The following GPC5 variants were observed in gnomAD, a reference collection of about 807,000 sequenced individuals.
GPC5 encodes glypican 5.
In GPC5, 47 loss-of-function variants were observed where a neutral mutation model predicts 53.9. The observed-to-expected ratio is 0.87, with a 90% CI of 0.69 to 1.11. GPC5 has a LOEUF of 1.11. GPC5 is among the 50% of genes most tolerant of loss of function. The pLI is 0.00. For synonymous variants in GPC5, 286 were observed against 263.3 expected, an observed-to-expected ratio of 1.09 and a Z score of -0.84; for missense variants, 748 against 713.1, an observed-to-expected ratio of 1.05 and a Z score of -0.56.
intron 2 of GPC5, among the ~76,000 whole-genome samples, chr13:91,529,399 G>A (rs578152601): frequency 6.6e-6 from 1 of 152,104 alleles, no homozygotes; most frequent in Non-Finnish European, 1.5e-5. Flanking sequence ...AATCATTAAA[G>A]ATACAAGCTT....
chr13:92,785,482 C>A (rs943410027), intron 7 of GPC5, among the ~76,000 whole-genome samples: 1 of 152,088 alleles, frequency 6.6e-6, no homozygotes, highest in African/African-American at 2.4e-5. Context: ...TGTGCAACCA[C>A]AAATATTTCT....
intron 6 of GPC5, among the ~76,000 whole-genome samples, chr13:92,093,719 C>T (rs1045073125): frequency 3.9e-5 from 6 of 152,106 alleles, no homozygotes; most frequent in Non-Finnish European, 8.8e-5. Context: ...TTTTAAGACC[C>T]AGTGTATGCC....
chr13:91,994,179 A>G (rs1258832512), intron 6 of GPC5, among the ~76,000 whole-genome samples: 1 of 152,242 alleles, frequency 6.6e-6, no homozygotes, highest in Non-Finnish European at 1.5e-5. Context: ...GAAGAGGAAA[A>G]CTGCAAGTGA....
chr13:92,640,141 C>T (rs1246217674), intron 7 of GPC5, among the ~76,000 whole-genome samples: 3 of 151,498 alleles, frequency 2.0e-5, no homozygotes, highest in Non-Finnish European at 4.4e-5. Flanking sequence ...TATATATATA[C>T]ACGTGTGTAT....
At chr13:91,894,498 C>T (rs2039420703) in intron 5 of GPC5, among the ~76,000 whole-genome samples, 1 of 152,184 alleles carries the variant, frequency 6.6e-6, no homozygotes, top group East Asian at 1.9e-4. Context: ...ATGTATCTGG[C>T]TGGAGTCCCA....
intron 6 of GPC5, among the ~76,000 whole-genome samples, chr13:92,064,995 C>T (rs1026771346): frequency 1.6e-4 from 24 of 151,468 alleles, no homozygotes; most frequent in African/African-American, 5.6e-4. Flanking sequence ...TCAATAAAAC[C>T]AATTGTATTA....
chr13:91,399,157 C>T lies in GPC5; in HGVS notation c.111C>T (p.Phe37=). Residue 37 remains phenylalanine, a synonymous_variant, in exon 1 of 8, where the codon TTC becomes TTT. Transcript: ENST00000377067. The part of the protein sequence containing the change: ...VQTCEEVRKL[F]QWRLLGAVRG... ...CCTGCGAAGAAGTTCGGAAACTTTT[C>T]CAGTGGCGGCTGCTGGGAGCTGTCA... 2 of 1,612,876 alleles carry T rather than the reference C, an allele frequency of 1.2e-6. No homozygotes were observed. Among genetic ancestry groups the T allele is most frequent in the Non-Finnish European group, 1.7e-6 (2 of 1,179,650 alleles).
At chr13:92,049,478 A>G (rs1342472858) in intron 6 of GPC5, among the ~76,000 whole-genome samples, 3 of 152,136 alleles carry the variant, frequency 2.0e-5, no homozygotes, top group Non-Finnish European at 4.4e-5. Context: ...AGATAAAAAG[A>G]CACCAGGAAA....
At chr13:92,788,467 G>C (rs1264290466) in intron 7 of GPC5, among the ~76,000 whole-genome samples, 2 of 152,058 alleles carry the variant, frequency 1.3e-5, no homozygotes, top group African/African-American at 4.8e-5. Flanking sequence ...GTGGCAATTA[G>C]AAATCATCAT....
In GPC5 at chr13:91,899,463, G is replaced by A. The variant is rs540579768; in HGVS notation, c.1281-8474G>A. Among the ~76,000 whole-genome samples the A allele has an allele frequency of 1.1e-4, 16 of 152,206 alleles. No individual in the cohort carries two copies. In the South Asian group the frequency reaches 3.3e-3, roughly 32 times the overall value. On this transcript the variant is annotated intron_variant, in intron 5 of 7. Coordinates refer to ENST00000377067, the MANE Select transcript of GPC5 (RefSeq NM_004466.6). ...TGTTTCTCATGGGAAAATAGAATAT[G>A]ATTTTTGTTGAAGTTCAAGGGAATA...
intron 2 of GPC5, among the ~76,000 whole-genome samples, chr13:91,541,885 G>T (rs1351437852): frequency 6.6e-6 from 1 of 151,272 alleles, no homozygotes; most frequent in Admixed American, 6.6e-5. Flanking sequence ...GGCTTTTACT[G>T]TTTTTTTCGT....
At chr13:92,537,779 C>T (rs1881773097) in intron 7 of GPC5, among the ~76,000 whole-genome samples, 1 of 152,066 alleles carries the variant, frequency 6.6e-6, no homozygotes, top group African/African-American at 2.4e-5. Flanking sequence ...TCAAACAAAC[C>T]TTAAGATACA....
chr13:92,790,660 AAAGG>A (rs1006698603), intron 7 of GPC5, among the ~76,000 whole-genome samples: 2 of 152,118 alleles, frequency 1.3e-5, no homozygotes, highest in African/African-American at 2.4e-5. Context: ...AAGAAGGAAT[AAAGG>A]AAGGAAGGAA....
At chr13:92,413,503 A>G (rs1165091152) in intron 7 of GPC5, among the ~76,000 whole-genome samples, 5 of 152,170 alleles carry the variant, frequency 3.3e-5, no homozygotes, top group Non-Finnish European at 7.4e-5. Context: ...AAGCTTTTTT[A>G]TGTTTACTTA....
At chr13:91,706,560 G>T (rs899110115) in intron 3 of GPC5, among the ~76,000 whole-genome samples, 6 of 151,540 alleles carry the variant, frequency 4.0e-5, no homozygotes, top group Admixed American at 2.0e-4. Context: ...AATTTTTTTT[G>T]GAAATTATAC....
At chr13:92,513,576 T>C (rs1231859735) in intron 7 of GPC5, among the ~76,000 whole-genome samples, 1 of 151,844 alleles carries the variant, frequency 6.6e-6, no homozygotes, top group Non-Finnish European at 1.5e-5. Context: ...CTTTTTCCTT[T>C]TTTCTTTCCT....
At position 91,690,586 on chromosome 13, in the gene GPC5, T is replaced by C. The variant is rs144956912; in HGVS notation, c.326-2601T>C. Among the ~76,000 whole-genome samples, 495 of 152,342 alleles carry C rather than the reference T, an allele frequency of 3.2e-3. 1 individual carries two copies. Among genetic ancestry groups the C allele is most frequent in the African/African-American group, 0.011 (473 of 41,586 alleles). On this transcript the variant is annotated intron_variant, in intron 2 of 7. Coordinates refer to ENST00000377067, the MANE Select transcript of GPC5 (RefSeq NM_004466.6). Reference sequence around the variant, plus strand: ...ATTGCTTTTACAATATAAATTACTTTGTAAAACATACCTGTTAGGGCTACT... The same window carrying C: ...ATTGCTTTTACAATATAAATTACTTCGTAAAACATACCTGTTAGGGCTACT...
At chr13:92,758,092 A>T (rs1874978548) in intron 7 of GPC5, among the ~76,000 whole-genome samples, 1 of 149,846 alleles carries the variant, frequency 6.7e-6, no homozygotes, top group East Asian at 2.0e-4. Context: ...CAAATGTCCA[A>T]CAATGATAGA....
rs2039557918 is a variant in GPC5, at chr13:91,906,835, C to T, written c.1281-1102C>T. The stretch of plus-strand genomic sequence containing the variant: ...CCCTTTTACATACGACATGATTTAC[C>T]AGATCTTTGTTTAGGTGAACCTAGG... On this transcript the variant is annotated intron_variant, in intron 5 of 7. Transcript: ENST00000377067. Among the ~76,000 whole-genome samples, 2 of 151,888 alleles carry T rather than the reference C, an allele frequency of 1.3e-5. 1 individual carries two copies. The highest frequency in any genetic ancestry group is 2.9e-5 in the Non-Finnish European group (2 of 67,932).
Sources: gnomAD v4.1 joint callset for allele counts (sites outside exome capture counted in the v4.1 genomes callset) on GRCh38, gnomAD v4.1.1 for gene constraint, MANE v1.5 for transcripts, NCBI Gene and HGNC (gene_info 2026-07-23, HGNC 2026-07-21) for gene names.